RPH3AL: variants seen among roughly 807,000 people sequenced by gnomAD.
RPH3AL encodes the protein rab effector Noc2.
RPH3AL carries 38 observed loss-of-function variants against 43.1 expected under a neutral mutation model. That is an observed-to-expected ratio of 0.88 (90% confidence interval 0.68 to 1.15). RPH3AL has a LOEUF of 1.15. RPH3AL is among the 50% of genes most tolerant of loss of function. RPH3AL has a pLI of 0.00. For synonymous variants in RPH3AL, 189 were observed against 176.3 expected (o/e 1.07, Z -0.57); for missense variants, 462 against 423.2 (o/e 1.09, Z -0.81).
intron 5 of RPH3AL, among the ~76,000 whole-genome samples, chr17:315,580 C>CCGTAGTCTCTGTGCTCCACATCCAT (rs2043996665): frequency 1.3e-5 from 2 of 151,038 alleles, no homozygotes; most frequent in Non-Finnish European, 3.0e-5. Flanking sequence ...CTCCATTGAC[C>CCGTAGTCTCTGTGCTCCACATCCAT]TGTAGTCCCT....
Position 225,029 on chromosome 17 carries a change from G to A in RPH3AL, c.614-5293C>T, listed in dbSNP as rs1482511656. Among the ~76,000 whole-genome samples the A allele has an allele frequency of 6.6e-6, 1 of 151,448 alleles. No individual in the cohort carries two copies. Among genetic ancestry groups the A allele is most frequent in the Non-Finnish European group, 1.5e-5 (1 of 67,912 alleles). ...ACCTAATGTAAATGACGAGTTAATG[G>A]GTGCAGCACACCAACACGGCACATG... On this transcript the variant is annotated intron_variant, in intron 7 of 9. Coordinates refer to ENST00000331302, the MANE Select transcript of RPH3AL (RefSeq NM_006987.4). The surrounding 1 kb of genome is among the most constrained non-coding windows in gnomAD (Gnocchi z 4.4).
rs2040918035 is a variant in RPH3AL, at chr17:219,994, G to A, written c.614-258C>T. On this transcript the variant is annotated intron_variant, in intron 7 of 9. Coordinates refer to ENST00000331302, the MANE Select transcript of RPH3AL (RefSeq NM_006987.4). The stretch of plus-strand genomic sequence containing the variant: ...ACCAGCAGAGAAGAGTTCACCTGTT[G>A]GCCAGCCACCTCCACATGACAACCC... Among the ~76,000 whole-genome samples, 5 of 152,158 alleles carry A rather than the reference G, an allele frequency of 3.3e-5. No homozygotes were observed. In the South Asian group the frequency reaches 1.0e-3, roughly 31 times the overall value.
At chr17:302,668 C>T (rs1365121294) in intron 5 of RPH3AL, among the ~76,000 whole-genome samples, 1 of 152,210 alleles carries the variant, frequency 6.6e-6, no homozygotes, top group Non-Finnish European at 1.5e-5. Flanking sequence ...ACACTCACCC[C>T]AGGCCTGCCC....
At chr17:308,990 G>A (rs2043568308) in intron 5 of RPH3AL, among the ~76,000 whole-genome samples, 1 of 152,286 alleles carries the variant, frequency 6.6e-6, no homozygotes, top group African/African-American at 2.4e-5. Context: ...TGGAGGACTG[G>A]CTGCTGGGAA....
At chr17:234,250 C>T (rs1322338898) in intron 7 of RPH3AL, 1 of 118,538 alleles carries the variant, frequency 8.4e-6, no homozygotes, top group East Asian at 2.6e-4. Flanking sequence ...GGCTACTTAC[C>T]CTGACCAACT....
rs2042050784 is a variant in RPH3AL at position 256,284 on chromosome 17, G to C, written c.439-8999C>G. 1.1e-4 allele frequency among the ~76,000 whole-genome samples: 8 copies of C among 73,304 alleles called. No homozygotes were observed. The South Asian group carries it at 4.0e-3, about 36-fold the overall frequency. The allele number at this position is 73,304 out of a possible 152,430, so 48.1% of individuals were successfully genotyped here. On this transcript the variant is annotated intron_variant, in intron 6 of 9. Coordinates refer to ENST00000331302, the MANE Select transcript of RPH3AL (RefSeq NM_006987.4). ...CGGCGTCTGTCCTTTTCCATCCCTA[G>C]GAACGTGACTACCCTACGTACTTCC... is the stretch of plus-strand genomic sequence containing the variant.
chr17:334,385 G>A lies in RPH3AL; in HGVS notation c.-212-451C>T, dbSNP rs112630374. 3.1e-3 allele frequency among the ~76,000 whole-genome samples: 470 copies of A among 152,348 alleles called. 4 individuals are homozygous for A. The highest frequency in any genetic ancestry group is 0.011 in the African/African-American group (442 of 41,574). On this transcript the variant is annotated intron_variant, in intron 1 of 9. Transcript: ENST00000331302. ...TCAGAGAAGCCCGGCAAACACCCAC[G>A]GAGTCTCTAGCCCGTCCACTGCGGG... is the stretch of plus-strand genomic sequence containing the variant.
intron 5 of RPH3AL, among the ~76,000 whole-genome samples, chr17:286,221 C>T (rs975099589): frequency 4.6e-5 from 7 of 152,192 alleles, no homozygotes; most frequent in African/African-American, 1.7e-4. Context: ...GATCTGGGGA[C>T]AGGAGCAGCG....
At chr17:273,036 AGGGCGACGTCAGGGAGAGACCCCAGCG>A (rs1567604681) in intron 6 of RPH3AL, among the ~76,000 whole-genome samples, 10 of 105,990 alleles carry the variant, frequency 9.4e-5, no homozygotes, top group African/African-American at 2.7e-4. Context: ...GACCCCAGCG[AGGGCGACGTCAGGGAGAGACCCCAGCG>A]AGGGCGACGT....
At chr17:299,199 C>T (rs543955417) in intron 5 of RPH3AL, among the ~76,000 whole-genome samples, 1 of 152,242 alleles carries the variant, frequency 6.6e-6, no homozygotes, top group African/African-American at 2.4e-5. Context: ...CCCAGCAGCC[C>T]CTCCCCTGGG....
chr17:327,819 G>C (rs777866448), intron 2 of RPH3AL, among the ~76,000 whole-genome samples: 8 of 152,196 alleles, frequency 5.3e-5, no homozygotes, highest in Non-Finnish European at 1.2e-4. Flanking sequence ...AGTGACAAGA[G>C]TGAACATGAC....
At chr17:227,964 G>A (rs1214683789) in intron 7 of RPH3AL, among the ~76,000 whole-genome samples, 6 of 152,232 alleles carry the variant, frequency 3.9e-5, no homozygotes, top group Non-Finnish European at 7.3e-5. Context: ...AGCCCACCAG[G>A]CAGGCACAGC....
At chr17:218,459 T>C (rs1172949730) in intron 8 of RPH3AL, among the ~76,000 whole-genome samples, 14 of 151,554 alleles carry the variant, frequency 9.2e-5, no homozygotes, top group African/African-American at 3.4e-4. Flanking sequence ...TGCACTAAAA[T>C]TGGCCTCGCT....
In RPH3AL at chr17:247,106, C is replaced by T. The variant is rs2041784240; in HGVS notation, c.613+5G>A. On this transcript the variant is annotated splice_donor_5th_base_variant and intron_variant, in intron 7 of 9. Transcript: ENST00000331302. ...CATCCTGGGAGAGAGGCAGAGGGGACTTACCTCTTCCTCGGGCCCACGTGT... is the reference window on the plus strand; with the variant it reads ...CATCCTGGGAGAGAGGCAGAGGGGATTTACCTCTTCCTCGGGCCCACGTGT... 6.2e-7 allele frequency: 1 copy of T among 1,614,088 alleles called. No homozygotes were observed. The highest frequency in any genetic ancestry group is 1.7e-5 in the Admixed American group (1 of 60,020).
intron 7 of RPH3AL, among the ~76,000 whole-genome samples, chr17:244,805 C>G (rs572236133): frequency 1.3e-5 from 2 of 152,340 alleles, no homozygotes; most frequent in Non-Finnish European, 1.5e-5. Flanking sequence ...GGGGGCTCTG[C>G]TCCTCCCCAG....
chr17:219,661 A>G lies in RPH3AL; in HGVS notation c.689T>C (p.Val230Ala). 6.2e-7 allele frequency: 1 copy of G among 1,611,946 alleles called. No individual in the cohort carries two copies. The highest frequency in any genetic ancestry group is 8.5e-7 in the Non-Finnish European group (1 of 1,179,646). ...GGGTTTGTCGCCTTTCCGGTCCCTG[A>G]CCCCAGTGGATGGGAGTCTGTCCTC... is the stretch of plus-strand genomic sequence containing the variant. ...SLEDRLPSTGVRDRKGDKPWK... is the reference protein window; with the variant it reads ...SLEDRLPSTGARDRKGDKPWK... The change falls in exon 8 of 10, where the codon GTC (valine) becomes GCC (alanine). Residue 230 changes from valine (V) to alanine (A), a missense_variant. By Grantham distance (64) the Val-to-Ala change is moderately conservative. Transcript: ENST00000331302.
intron 6 of RPH3AL, among the ~76,000 whole-genome samples, chr17:253,763 C>G: frequency 7.8e-6 from 1 of 128,714 alleles, no homozygotes; most frequent in Admixed American, 8.0e-5. Flanking sequence ...TACGTACTTC[C>G]TATGAGGGGA....
chr17:222,641 T>C (rs1316544670), intron 7 of RPH3AL, among the ~76,000 whole-genome samples: 1 of 152,236 alleles, frequency 6.6e-6, no homozygotes, highest in African/African-American at 2.4e-5. Context: ...TGTACATCCA[T>C]TCACCAATCT....
At chr17:316,773 C>A (rs1422515193) in intron 5 of RPH3AL, among the ~76,000 whole-genome samples, 129 of 119,558 alleles carry the variant, frequency 1.1e-3, no homozygotes, top group African/African-American at 3.6e-3. Context: ...ACCTGAAGTC[C>A]CTGTGCCCCC....
Sources: allele counts gnomAD v4.1 joint callset (sites outside exome capture counted in the v4.1 genomes callset), GRCh38; gene constraint gnomAD v4.1.1; non-coding constraint Gnocchi (gnomAD v3.1); transcripts MANE v1.5; gene names NCBI Gene and HGNC (gene_info 2026-07-23, HGNC 2026-07-21).